The following SLIT3 variants were observed in gnomAD, a reference collection of about 807,000 sequenced individuals.
SLIT3 encodes the protein slit homolog 3 protein.
SLIT3 carries 68 observed loss-of-function variants against 184.0 expected under a neutral mutation model. The observed-to-expected ratio is 0.37, with a 90% CI of 0.30 to 0.45. The LOEUF (loss-of-function observed/expected upper bound fraction) is 0.45. SLIT3 is among the 20% of genes least tolerant of loss of function. SLIT3 has a pLI of 1.00. For synonymous variants in SLIT3, 831 were observed against 828.6 expected (o/e 1.00, Z -0.05); for missense variants, 1,707 against 2,026.0 (o/e 0.84, Z 3.02).
At position 169,016,180 on chromosome 5, in the gene SLIT3, T is replaced by C. The variant is rs145247660; in HGVS notation, c.414-132844A>G. 6.9e-3 allele frequency among the ~76,000 whole-genome samples: 1,048 copies of C among 152,300 alleles called. 12 individuals carry two copies. Among genetic ancestry groups the C allele is most frequent in the African/African-American group, 0.024 (998 of 41,560 alleles). On this transcript the variant is annotated intron_variant, in intron 4 of 35. Transcript: ENST00000519560. ...CCCACGTGCTTCTCAGGCTGTGAGA[T>C]AAATCCCCAAGTCTCCTGTTGAGTG...
intron 4 of SLIT3, among the ~76,000 whole-genome samples, chr5:168,946,274 C>T (rs920321464): frequency 6.6e-6 from 1 of 152,206 alleles, no homozygotes; most frequent in African/African-American, 2.4e-5. Context: ...TCAGTTGACC[C>T]CAGTCCTCTC....
chr5:169,119,532 A>G (rs573276268), intron 4 of SLIT3, among the ~76,000 whole-genome samples: 6 of 152,332 alleles, frequency 3.9e-5, no homozygotes, highest in Admixed American at 3.3e-4. Flanking sequence ...TTTCGTGAAA[A>G]CTGGAGGGAA....
chr5:169,018,571 C>T (rs1756480966), intron 4 of SLIT3: 1 of 152,184 alleles, frequency 6.6e-6, no homozygotes, highest in Non-Finnish European at 1.5e-5. Flanking sequence ...CAGCTAAGGG[C>T]ACATTTCCAT....
chr5:168,670,033 T>C, intron 34 of SLIT3, 42 bp from the exon 35 acceptor site: 1 of 1,575,464 alleles, frequency 6.3e-7, no homozygotes, highest in Non-Finnish European at 8.7e-7. Flanking sequence ...TGGATCAGAG[T>C]TGGTGCTGCT....
At chr5:168,850,147 C>A (rs1758618685) in intron 5 of SLIT3, among the ~76,000 whole-genome samples, 1 of 150,618 alleles carries the variant, frequency 6.6e-6, no homozygotes, top group Non-Finnish European at 1.5e-5. Flanking sequence ...CTTCATATAA[C>A]TGAGTACTGG....
At chr5:168,844,749 T>G in intron 5 of SLIT3, 94 bp from the exon 6 acceptor site, 1 of 1,095,690 alleles carries the variant, frequency 9.1e-7, no homozygotes, top group Non-Finnish European at 1.4e-6. Flanking sequence ...CTCCACCCCC[T>G]TGCAGGCGCT....
intron 2 of SLIT3, among the ~76,000 whole-genome samples, chr5:169,245,974 T>G (rs1246086655): frequency 6.6e-6 from 1 of 152,156 alleles, no homozygotes; most frequent in East Asian, 1.9e-4. Flanking sequence ...AAATCCTTAC[T>G]GAATGAATGA....
Position 168,669,874 on chromosome 5 carries a change from G to A in SLIT3, c.4245C>T (p.Phe1415=), listed in dbSNP as rs904845665. ...TGTGGCACTGCCCATGGTGACACTTGAAGGCTGAGCAGGCATTGGCAGAGT... is the reference window on the plus strand; with the variant it reads ...TGTGGCACTGCCCATGGTGACACTTAAAGGCTGAGCAGGCATTGGCAGAGT... ...KNDSANACSA[F]KCHHGQCHIS... Residue 1415 remains phenylalanine, a synonymous_variant, in exon 35 of 36, where the codon TTC becomes TTT. Coordinates refer to ENST00000519560, the MANE Select transcript of SLIT3 (RefSeq NM_003062.4). 6.2e-7 allele frequency: 1 copy of A among 1,614,078 alleles called. No homozygotes were observed. Among genetic ancestry groups the A allele is most frequent in the African/African-American group, 1.3e-5 (1 of 74,934 alleles).
At chr5:168,673,471 T>A in intron 32 of SLIT3, 140 bp from the exon 33 acceptor site, 1 of 814,256 alleles carries the variant, frequency 1.2e-6, no homozygotes, top group Non-Finnish European at 1.9e-6. Context: ...TTACATAAGT[T>A]GCAAAAATAA....
At chr5:168,758,273 T>G (rs904870124) in intron 16 of SLIT3, among the ~76,000 whole-genome samples, 10 of 152,228 alleles carry the variant, frequency 6.6e-5, no homozygotes, top group African/African-American at 2.4e-4. Flanking sequence ...ACACTCATGT[T>G]CCTATCAAAA....
intron 4 of SLIT3, among the ~76,000 whole-genome samples, chr5:169,041,201 A>T (rs1023357617): frequency 3.3e-5 from 5 of 152,218 alleles, no homozygotes; most frequent in African/African-American, 1.2e-4. Flanking sequence ...GGCCCCAACT[A>T]CTTCACATGG....
At chr5:168,778,041 C>T (rs924707710) in intron 12 of SLIT3, among the ~76,000 whole-genome samples, 7 of 152,166 alleles carry the variant, frequency 4.6e-5, no homozygotes, top group East Asian at 1.9e-4. Flanking sequence ...CCTCTTTCAC[C>T]GGAGGGATGG....
intron 4 of SLIT3, among the ~76,000 whole-genome samples, chr5:168,930,431 A>C (rs1165601018): frequency 2.0e-5 from 3 of 152,168 alleles, no homozygotes; most frequent in Non-Finnish European, 2.9e-5. Context: ...GAAGTCAGGC[A>C]ATCTGGTTTC....
At chr5:168,774,921 C>A (rs921609802) in intron 12 of SLIT3, among the ~76,000 whole-genome samples, 4 of 152,168 alleles carry the variant, frequency 2.6e-5, no homozygotes, top group African/African-American at 9.7e-5. Context: ...CTGTCATACA[C>A]ACATGTGCAC....
intron 4 of SLIT3, among the ~76,000 whole-genome samples, chr5:168,954,995 G>C (rs959260917): frequency 6.1e-5 from 9 of 148,372 alleles, no homozygotes; most frequent in African/African-American, 2.2e-4. Context: ...TTCTTCCAGA[G>C]ACTTCAGAAT....
At chr5:169,206,195 AAG>A (rs1289088219) in intron 3 of SLIT3, among the ~76,000 whole-genome samples, 1 of 152,222 alleles carries the variant, frequency 6.6e-6, no homozygotes, top group Non-Finnish European at 1.5e-5. Flanking sequence ...ACGCTCCATC[AAG>A]ACATTAAGCA....
At chr5:169,161,867 G>C (rs1762491846) in intron 4 of SLIT3, among the ~76,000 whole-genome samples, 1 of 152,114 alleles carries the variant, frequency 6.6e-6, no homozygotes. Flanking sequence ...CCCTGGGCAA[G>C]TCATAGACCA....
intron 3 of SLIT3, among the ~76,000 whole-genome samples, chr5:169,234,547 G>A (rs920715611): frequency 2.6e-5 from 4 of 152,158 alleles, no homozygotes; most frequent in Admixed American, 2.6e-4. Context: ...GGGACTACAG[G>A]CGTGTGCCAT....
At chr5:169,138,683 G>A (rs943395323) in intron 4 of SLIT3, among the ~76,000 whole-genome samples, 7 of 152,356 alleles carry the variant, frequency 4.6e-5, no homozygotes, top group South Asian at 4.1e-4. Flanking sequence ...GAGCTTGTCC[G>A]ATGGCACTGC....
Sources: gnomAD v4.1 joint callset for allele counts (sites outside exome capture counted in the v4.1 genomes callset) on GRCh38, gnomAD v4.1.1 for gene constraint, MANE v1.5 for transcripts, NCBI Gene and HGNC (gene_info 2026-07-23, HGNC 2026-07-21) for gene names.